The following RUFY3 variants were observed in gnomAD, a reference collection of about 807,000 sequenced individuals.
RUFY3 encodes protein RUFY3.
A neutral mutation model predicts 84.0 loss-of-function variants in RUFY3; 34 were observed. The observed-to-expected ratio is 0.40, with a 90% CI of 0.31 to 0.54. The LOEUF is 0.54. Ranked by LOEUF, RUFY3 falls within the 20% of genes least tolerant of loss-of-function variation. The pLI, the probability that RUFY3 is intolerant of heterozygous loss-of-function variation, is 0.39. For synonymous variants in RUFY3, 242 were observed against 252.9 expected (o/e 0.96, Z 0.41); for missense variants, 507 against 736.8 (o/e 0.69, Z 3.61).
intron 4 of RUFY3, among the ~76,000 whole-genome samples, chr4:70,767,211 G>C (rs1329423497): frequency 6.8e-6 from 1 of 148,118 alleles, no homozygotes; most frequent in Non-Finnish European, 1.5e-5. Flanking sequence ...TCAGCCTCCT[G>C]AGTAGCTGGG....
At position 70,792,180 on chromosome 4, in the gene RUFY3, G is replaced by C. The variant is rs568999712; in HGVS notation, c.1338-1605G>C. 2.7e-5 allele frequency: 27 copies of C among 985,292 alleles called. No homozygotes were observed. The African/African-American group carries it at 4.7e-4, about 17-fold the overall frequency. The allele number at this position is 985,292 out of a possible 1,614,324, so 61.0% of individuals were successfully genotyped here. A position where few individuals can be genotyped will look rare whatever the true frequency, so the allele number is the denominator to read the frequency against. ...TTCGTATCCTGCTTTTCTTATATTG[G>C]AGTAAAAAGGACAGGGTATAGACAT... On this transcript the variant is annotated intron_variant, in intron 12 of 17. Coordinates refer to ENST00000381006, the MANE Select transcript of RUFY3 (RefSeq NM_001037442.4).
chr4:70,793,400 C>G, intron 12 of RUFY3: 3 of 1,057,630 alleles, frequency 2.8e-6, no homozygotes, highest in Non-Finnish European at 3.4e-6. Flanking sequence ...AATTAAGTAC[C>G]AAACCTATTA....
chr4:70,808,460 T>C lies in RUFY3; in HGVS notation c.*1801T>C, dbSNP rs766362488. On this transcript the variant is annotated 3_prime_UTR_variant, in exon 18 of 18. Coordinates refer to ENST00000381006, the MANE Select transcript of RUFY3 (RefSeq NM_001037442.4). Reference sequence around the variant, plus strand: ...CTGTGACTGATTTAGAATTCTGGGGTGGAAATATCCTGGAACCATGTTTTT... The same window carrying C: ...CTGTGACTGATTTAGAATTCTGGGGCGGAAATATCCTGGAACCATGTTTTT... Among the ~76,000 whole-genome samples the C allele has an allele frequency of 6.6e-6, 1 of 152,184 alleles. No homozygotes were observed. The highest frequency in any genetic ancestry group is 1.5e-5 in the Non-Finnish European group (1 of 68,028).
chr4:70,726,706 A>G (rs987783419), intron 1 of RUFY3, among the ~76,000 whole-genome samples: 5 of 152,178 alleles, frequency 3.3e-5, no homozygotes, highest in African/African-American at 9.7e-5. Context: ...TACCCGCCCC[A>G]CAGAAGCATT....
At chr4:70,768,493 T>C (rs1726384496) in intron 4 of RUFY3, 45 bp from the exon 5 acceptor site, 3 of 1,597,488 alleles carry the variant, frequency 1.9e-6, no homozygotes, top group Non-Finnish European at 2.6e-6. Context: ...TCTGGATTTT[T>C]GAGATTTTTG....
At chr4:70,763,453 T>A in intron 2 of RUFY3, 99 bp from the exon 3 acceptor site, 1 of 796,372 alleles carries the variant, frequency 1.3e-6, no homozygotes, top group Admixed American at 2.5e-5. Context: ...TAACCTAGGA[T>A]TGGTTTCCTG....
At position 70,709,557 on chromosome 4, in the gene RUFY3, TC is replaced by T. The variant is rs1740731482; in HGVS notation, c.358+4265del. ...TATCCTCTTGGTGTATGTATGACCT[TC>T]CATGCCAGTTTCTCAGCAACTACAA... On this transcript the variant is annotated intron_variant, in intron 1 of 11. Transcript: ENST00000417478. 2.0e-5 allele frequency among the ~76,000 whole-genome samples: 3 copies of T among 152,308 alleles called. No homozygotes were observed. In the South Asian group the frequency reaches 6.2e-4, roughly 32 times the overall value.
chr4:70,768,442 G>T lies in RUFY3; in HGVS notation c.573-96G>T. On this transcript the variant is annotated intron_variant, in intron 4 of 17. Transcript: ENST00000381006. ...GTAGATGGCTATAATCAACCATGATGACTATGATTCAACCATGAATCAACC... is the reference window on the plus strand; with the variant it reads ...GTAGATGGCTATAATCAACCATGATTACTATGATTCAACCATGAATCAACC... The T allele has an allele frequency of 7.3e-6, 8 of 1,100,700 alleles. No individual in the cohort carries two copies. The South Asian group carries it at 1.4e-4, about 19-fold the overall frequency. 68.2% of individuals were successfully genotyped at this position (1,100,700 alleles called of 1,614,324 possible).
chr4:70,774,453 C>CAA (rs1276656505), intron 6 of RUFY3, among the ~76,000 whole-genome samples: 1 of 127,336 alleles, frequency 7.9e-6, no homozygotes, highest in Non-Finnish European at 1.7e-5. Context: ...TACAATAATA[C>CAA]AAAAAAAAAA....
chr4:70,768,479 T>G (rs1726381697), intron 4 of RUFY3, 59 bp from the exon 5 acceptor site: 2 of 1,573,384 alleles, frequency 1.3e-6, no homozygotes, highest in Non-Finnish European at 1.7e-6. Flanking sequence ...TTTTTGTCCT[T>G]GTCTCTGGAT....
chr4:70,735,942 C>T (rs974533816), intron 1 of RUFY3, among the ~76,000 whole-genome samples: 1 of 151,502 alleles, frequency 6.6e-6, no homozygotes, highest in Non-Finnish European at 1.5e-5. Context: ...GAGATGAGAT[C>T]ACATCACTGC....
In RUFY3 at chr4:70,744,111, C is replaced by A. The variant is rs377110344; in HGVS notation, c.179-18408C>A. 3.3e-5 allele frequency among the ~76,000 whole-genome samples: 5 copies of A among 152,156 alleles called. No individual in the cohort carries two copies. The East Asian group carries it at 9.6e-4, about 29-fold the overall frequency. On this transcript the variant is annotated intron_variant, in intron 1 of 17. Coordinates refer to ENST00000381006, the MANE Select transcript of RUFY3 (RefSeq NM_001037442.4). The stretch of plus-strand genomic sequence containing the variant: ...TGCAGGCTCAGATCTTTTCTGGAGA[C>A]CTTCAACTGCTAAGCTGTTTTCAAT...
intron 1 of RUFY3, among the ~76,000 whole-genome samples, chr4:70,732,016 C>T (rs1472221594): frequency 6.6e-6 from 1 of 152,182 alleles, no homozygotes; most frequent in Non-Finnish European, 1.5e-5. Context: ...TTTCAACATA[C>T]TTACCTGTTC....
At chr4:70,797,259 C>A (rs548256044) in intron 14 of RUFY3, among the ~76,000 whole-genome samples, 38 of 152,208 alleles carry the variant, frequency 2.5e-4, no homozygotes, top group African/African-American at 9.2e-4. Flanking sequence ...TCTTTTCAAA[C>A]TGATGTCTTA....
At chr4:70,705,944 T>C (rs1191337715) in intron 1 of RUFY3, among the ~76,000 whole-genome samples, 1 of 152,220 alleles carries the variant, frequency 6.6e-6, no homozygotes, top group Non-Finnish European at 1.5e-5. Context: ...TGTGTGGCTT[T>C]GGAAGGCTAC....
At position 70,782,146 on chromosome 4, in the gene RUFY3, C is replaced by T. The variant is rs545530048; in HGVS notation, c.895-945C>T. On this transcript the variant is annotated intron_variant, in intron 8 of 17. Coordinates refer to ENST00000381006, the MANE Select transcript of RUFY3 (RefSeq NM_001037442.4). The stretch of plus-strand genomic sequence containing the variant: ...CATGGGTTCCATGGTGTGACAGGAC[C>T]CCTTTATTAAACATTTTAGAAATAG... Among the ~76,000 whole-genome samples, 4 of 151,956 alleles carry T rather than the reference C, an allele frequency of 2.6e-5. No homozygotes were observed. In the South Asian group the frequency reaches 8.3e-4, roughly 32 times the overall value.
intron 3 of RUFY3, 86 bp downstream of exon 3, chr4:70,763,755 C>A: frequency 1.4e-6 from 2 of 1,460,046 alleles, no homozygotes; most frequent in Non-Finnish European, 1.8e-6. Context: ...CAATTATGTA[C>A]GAATAATTTA....
intron 1 of RUFY3, among the ~76,000 whole-genome samples, chr4:70,712,755 GAACT>G (rs1741126309): frequency 1.3e-5 from 2 of 152,120 alleles, no homozygotes; most frequent in Non-Finnish European, 2.9e-5. Context: ...ATAATTAAAA[GAACT>G]AACTAAAAAA....
chr4:70,718,096 G>A (rs975524596), upstream of RUFY3, among the ~76,000 whole-genome samples: 2 of 151,968 alleles, frequency 1.3e-5, no homozygotes, highest in African/African-American at 2.4e-5. Context: ...TGTTAGCCAG[G>A]ATGGTCTCAA....
Sources: gnomAD v4.1 joint callset for allele counts (sites outside exome capture counted in the v4.1 genomes callset) on GRCh38, gnomAD v4.1.1 for gene constraint, MANE v1.5 for transcripts, NCBI Gene and HGNC (gene_info 2026-07-23, HGNC 2026-07-21) for gene names.